Variants in TENM4 observed in about 807,000 individuals in gnomAD.
The protein encoded by TENM4 is teneurin transmembrane protein 4.
A neutral mutation model predicts 243.3 loss-of-function variants in TENM4; 82 were observed. That is an observed-to-expected ratio of 0.34 (90% CI 0.28 to 0.40). TENM4 has a LOEUF of 0.40. Among genes scored for constraint, TENM4 ranks in the 10% least tolerant of loss-of-function variants. TENM4 has a pLI of 1.00. For synonymous variants in TENM4, 1,412 were observed against 1,456.3 expected (o/e 0.97, Z 0.69); for missense variants, 3,138 against 3,673.3 (o/e 0.85, Z 3.77).
chr11:78,775,061 C>G (rs569614571), intron 17 of TENM4, among the ~76,000 whole-genome samples: 1 of 152,128 alleles, frequency 6.6e-6, no homozygotes, highest in Non-Finnish European at 1.5e-5. Context: ...GTTTGGAAAA[C>G]GTTGCATCCT....
At chr11:78,983,874 T>C (rs1857861110) in intron 6 of TENM4, among the ~76,000 whole-genome samples, 1 of 152,228 alleles carries the variant, frequency 6.6e-6, no homozygotes, top group African/African-American at 2.4e-5. Flanking sequence ...CTCACTTTCT[T>C]TGTGACCTTG....
chr11:79,367,952 C>G (rs764833846), intron 1 of TENM4, among the ~76,000 whole-genome samples: 25 of 152,190 alleles, frequency 1.6e-4, no homozygotes, highest in African/African-American at 6.0e-4. Flanking sequence ...GTGATAATCA[C>G]TTGCTACATC....
chr11:79,309,823 G>T (rs1856689014), intron 1 of TENM4, among the ~76,000 whole-genome samples: 1 of 152,188 alleles, frequency 6.6e-6, no homozygotes, highest in African/African-American at 2.4e-5. Flanking sequence ...CTCACCTGAA[G>T]AAGCTCACAA....
At chr11:79,190,122 T>G (rs1029425262) in intron 3 of TENM4, among the ~76,000 whole-genome samples, 5 of 152,234 alleles carry the variant, frequency 3.3e-5, no homozygotes, top group African/African-American at 1.2e-4. Context: ...TCTAACTTTA[T>G]CCCCATTACA....
chr11:78,890,317 T>A (rs1458221932), intron 8 of TENM4, among the ~76,000 whole-genome samples: 1 of 152,144 alleles, frequency 6.6e-6, no homozygotes, highest in East Asian at 1.9e-4. Context: ...GGCACTGAGA[T>A]CCTTTTCCTG....
chr11:79,339,182 G>A (rs553361873), intron 1 of TENM4, among the ~76,000 whole-genome samples: 24 of 152,278 alleles, frequency 1.6e-4, no homozygotes, highest in South Asian at 1.2e-3. Context: ...GTCCCATTCC[G>A]TGATCCAGTG....
chr11:79,194,111 G>A (rs1466736819), intron 3 of TENM4, among the ~76,000 whole-genome samples: 3 of 151,880 alleles, frequency 2.0e-5, no homozygotes, highest in Admixed American at 6.6e-5. Context: ...TTTATCAGGG[G>A]GTTTTTGCTT....
At chr11:78,923,781 C>T (rs1046580594) in intron 6 of TENM4, among the ~76,000 whole-genome samples, 16 of 136,888 alleles carry the variant, frequency 1.2e-4, no homozygotes, top group Non-Finnish European at 4.6e-5. Flanking sequence ...CTCAAGTGAT[C>T]TGCCCACCTC....
chr11:79,404,304 A>G (rs1194616808), intron 1 of TENM4, among the ~76,000 whole-genome samples: 1 of 152,238 alleles, frequency 6.6e-6, no homozygotes, highest in Non-Finnish European at 1.5e-5. Context: ...TTCATTTCAC[A>G]GGATCTTTAA....
chr11:79,180,217 C>T (rs549695449), intron 3 of TENM4, among the ~76,000 whole-genome samples: 1 of 151,554 alleles, frequency 6.6e-6, no homozygotes, highest in Non-Finnish European at 1.5e-5. Flanking sequence ...GAGAGCAGAT[C>T]CCTGGAACCT....
intron 3 of TENM4, among the ~76,000 whole-genome samples, chr11:79,150,278 C>T (rs1452933348): frequency 6.6e-6 from 1 of 152,142 alleles, no homozygotes; most frequent in Non-Finnish European, 1.5e-5. Context: ...TGACAAAATC[C>T]TCCTGGCAGA....
At chr11:79,001,176 T>C (rs887327514) in intron 6 of TENM4, among the ~76,000 whole-genome samples, 1 of 152,226 alleles carries the variant, frequency 6.6e-6, no homozygotes, top group Non-Finnish European at 1.5e-5. Context: ...AAACATACTT[T>C]AGATTGTAAG....
Position 79,010,295 on chromosome 11 carries a change from G to A in TENM4, c.493+54443C>T, listed in dbSNP as rs1226131535. On this transcript the variant is annotated intron_variant, in intron 6 of 33. Coordinates refer to ENST00000278550, the MANE Select transcript of TENM4 (RefSeq NM_001098816.3). ...GGTTTCTGCTGCAAAGGAACTCACT[G>A]TTTGCGGGGAGAAGGGCTGTGAAGG... Among the ~76,000 whole-genome samples the A allele has an allele frequency of 3.9e-5, 6 of 152,244 alleles. No homozygotes were observed. The East Asian group carries it at 1.2e-3, about 29-fold the overall frequency.
chr11:79,433,361 T>C (rs1859207003), intron 1 of TENM4, among the ~76,000 whole-genome samples: 1 of 152,150 alleles, frequency 6.6e-6, no homozygotes, highest in Non-Finnish European at 1.5e-5. Context: ...GAGATTGCAC[T>C]AACTTAACAA....
Position 78,653,470 on chromosome 11 carries a change from T to G in TENM4, c.*4588A>C, listed in dbSNP as rs1857819061. 6.6e-6 allele frequency: 1 copy of G among 152,212 alleles called. No homozygotes were observed. The highest frequency in any genetic ancestry group is 1.5e-5 in the Non-Finnish European group (1 of 68,032). 9.4% of individuals were successfully genotyped at this position (152,212 alleles called of 1,614,324 possible). Reference sequence around the variant, plus strand: ...TGAGAAAAAAACTTCTCAAAATTAGTTCCAGACTTCAGGAAAATGATTTCC... The same window carrying G: ...TGAGAAAAAAACTTCTCAAAATTAGGTCCAGACTTCAGGAAAATGATTTCC... On this transcript the variant is annotated 3_prime_UTR_variant, in exon 34 of 34. Transcript: ENST00000278550.
chr11:78,655,948 G>C lies in TENM4; in HGVS notation c.*2110C>G, dbSNP rs1392251886. The C allele has an allele frequency of 2.0e-5, 3 of 152,200 alleles. No homozygotes were observed. The highest frequency in any genetic ancestry group is 7.2e-5 in the African/African-American group (3 of 41,438). The allele number at this position is 152,200 out of a possible 1,614,324, so 9.4% of individuals were successfully genotyped here. A position where few individuals can be genotyped will look rare whatever the true frequency, so the allele number is the denominator to read the frequency against. ...AGAGCACTGTATCTGACTCAGTAGA[G>C]CTCTGGATCCAGGGGCAATGGGCAA... On this transcript the variant is annotated 3_prime_UTR_variant, in exon 34 of 34. Coordinates refer to ENST00000278550, the MANE Select transcript of TENM4 (RefSeq NM_001098816.3).
intron 2 of TENM4, among the ~76,000 whole-genome samples, chr11:79,239,521 AT>A (rs933898474): frequency 1.8e-4 from 27 of 152,258 alleles, no homozygotes; most frequent in Admixed American, 1.5e-3. Context: ...AGAGACCTGG[AT>A]GCATGAACTC....
intron 3 of TENM4, among the ~76,000 whole-genome samples, chr11:79,186,347 G>T (rs979237010): frequency 6.6e-6 from 1 of 152,130 alleles, no homozygotes; most frequent in African/African-American, 2.4e-5. Flanking sequence ...GCCATCAACA[G>T]GGCCTTGTAG....
intron 1 of TENM4, among the ~76,000 whole-genome samples, chr11:79,425,291 C>T (rs1219861884): frequency 6.6e-6 from 1 of 152,166 alleles, no homozygotes; most frequent in Non-Finnish European, 1.5e-5. Context: ...CTGCAGGAAG[C>T]TTCTTAATAG....
Sources: gnomAD v4.1 joint callset for allele counts (sites outside exome capture counted in the v4.1 genomes callset) on GRCh38, gnomAD v4.1.1 for gene constraint, MANE v1.5 for transcripts, NCBI Gene and HGNC (gene_info 2026-07-23, HGNC 2026-07-21) for gene names.